NFIA: variants seen among roughly 807,000 people sequenced by gnomAD.
NFIA encodes nuclear factor I A.
A neutral mutation model predicts 62.8 loss-of-function variants in NFIA; 8 were observed. The ratio of observed to expected loss-of-function variants is 0.13; its 90% CI spans 0.07 to 0.23. NFIA has a LOEUF of 0.23. NFIA is among the 10% of genes least tolerant of loss of function. NFIA has a pLI of 1.00. For missense variants in NFIA, 410 were observed against 642.1 expected (o/e 0.64, Z 3.91); for synonymous variants, 235 against 238.1 (o/e 0.99, Z 0.12).
At chr1:61,453,272 T>A (rs987505050) in intron 10 of NFIA, among the ~76,000 whole-genome samples, 7 of 152,074 alleles carry the variant, frequency 4.6e-5, no homozygotes, top group Middle Eastern at 3.4e-3. Context: ...CTGGTTGCTC[T>A]TAGCAACCAG....
At chr1:61,325,307 G>A (rs750669943) in intron 3 of NFIA, among the ~76,000 whole-genome samples, 1 of 152,122 alleles carries the variant, frequency 6.6e-6, no homozygotes, top group Non-Finnish European at 1.5e-5. Context: ...AATCAGATTA[G>A]TGTCATTTCC....
At chr1:61,104,470 T>TA (rs1035660096) in intron 2 of NFIA, among the ~76,000 whole-genome samples, 177 of 152,222 alleles carry the variant, frequency 1.2e-3, no homozygotes, top group African/African-American at 4.0e-3. Flanking sequence ...CCAATTTCAT[T>TA]AGACGGAAAT....
At chr1:61,232,651 C>CA (rs1431257172) in intron 2 of NFIA, among the ~76,000 whole-genome samples, 15 of 152,096 alleles carry the variant, frequency 9.9e-5, no homozygotes, top group Non-Finnish European at 2.1e-4. Flanking sequence ...TTAATTGTGG[C>CA]AAAAATTAAT....
At position 61,455,376 on chromosome 1, in the gene NFIA, G is replaced by A. The variant is rs780413022; in HGVS notation, c.*56G>A. On this transcript the variant is annotated 3_prime_UTR_variant, in exon 11 of 11. Transcript: ENST00000403491. ...GACCACCTGACCCCTTCTCAACTCT[G>A]TAACATGGACGCAACCTCAACCCAG... 1 of 1,613,988 alleles carries A rather than the reference G, an allele frequency of 6.2e-7. No individual in the cohort carries two copies. Among genetic ancestry groups the A allele is most frequent in the Middle Eastern group, 1.6e-4 (1 of 6,062 alleles).
At chr1:61,386,193 G>A (rs948844178) in intron 7 of NFIA, among the ~76,000 whole-genome samples, 4 of 152,176 alleles carry the variant, frequency 2.6e-5, no homozygotes, top group East Asian at 1.9e-4. Context: ...GGAGTAAGAC[G>A]TGGTGTTTTA....
intron 2 of NFIA, among the ~76,000 whole-genome samples, chr1:61,188,328 A>G (rs1214385080): frequency 1.3e-5 from 2 of 152,132 alleles, no homozygotes; most frequent in Non-Finnish European, 2.9e-5. Flanking sequence ...AAGCACACAG[A>G]GTTACAACAT....
intron 4 of NFIA, among the ~76,000 whole-genome samples, chr1:61,347,552 T>C (rs1338062918): frequency 1.3e-5 from 2 of 152,182 alleles, no homozygotes; most frequent in African/African-American, 4.8e-5. Flanking sequence ...TGTGCCTCTT[T>C]AAATCTGAAC....
At chr1:61,385,788 A>G (rs7550707) in intron 7 of NFIA, 1 of 152,192 alleles carries the variant, frequency 6.6e-6, no homozygotes, top group African/African-American at 2.4e-5. Flanking sequence ...ATTCATATTC[A>G]TTCATAAAAC....
intron 9 of NFIA, among the ~76,000 whole-genome samples, chr1:61,409,007 T>C (rs551857689): frequency 6.6e-5 from 10 of 152,208 alleles, no homozygotes; most frequent in African/African-American, 1.2e-4. Flanking sequence ...ACTCCGTGGA[T>C]TGAACCAAGT....
chr1:61,105,701 T>C (rs1646583697), intron 2 of NFIA, among the ~76,000 whole-genome samples: 1 of 151,968 alleles, frequency 6.6e-6, no homozygotes, highest in South Asian at 2.1e-4. Context: ...TACTTAATTT[T>C]CTGATTATGT....
Position 61,082,621 on chromosome 1 carries a change from G to C in NFIA, c.-171G>C, listed in dbSNP as rs975185376. 3 of 1,504,794 alleles carry C rather than the reference G, an allele frequency of 2.0e-6. No homozygotes were observed. Among genetic ancestry groups the C allele is most frequent in the African/African-American group, 2.8e-5 (2 of 71,858 alleles). 93.2% of individuals were successfully genotyped at this position (1,504,794 alleles called of 1,614,324 possible). ...CTGGCTGGCTGGCTGCAGTTGAGCC[G>C]ACTTGGAAATGTGAACGCAAGAAGC... On this transcript the variant is annotated 5_prime_UTR_variant, in exon 1 of 11. Transcript: ENST00000403491.
intron 6 of NFIA, among the ~76,000 whole-genome samples, chr1:61,372,271 CTTAA>C (rs1238186887): frequency 1.3e-5 from 2 of 152,114 alleles, no homozygotes; most frequent in Non-Finnish European, 2.9e-5. Flanking sequence ...AACTCATTTA[CTTAA>C]TTGATATGCC....
At position 61,459,752 on chromosome 1, in the gene NFIA, G is replaced by A. The variant is rs980757223; in HGVS notation, c.*4432G>A. 6.6e-6 allele frequency: 1 copy of A among 152,154 alleles called. No individual in the cohort carries two copies. Among genetic ancestry groups the A allele is most frequent in the East Asian group, 1.9e-4 (1 of 5,194 alleles). 9.4% of individuals were successfully genotyped at this position (152,154 alleles called of 1,614,324 possible). On this transcript the variant is annotated 3_prime_UTR_variant, in exon 11 of 11. Coordinates refer to ENST00000403491, the MANE Select transcript of NFIA (RefSeq NM_001134673.4). The stretch of plus-strand genomic sequence containing the variant: ...CTTAGCCCCATAAGCTTTGAATCCT[G>A]TAGTTACAGTGGCATAAAGGACTGA...
intron 9 of NFIA, among the ~76,000 whole-genome samples, 162 bp downstream of exon 9, chr1:61,406,889 C>A (rs1402008509): frequency 6.6e-6 from 1 of 152,140 alleles, no homozygotes; most frequent in African/African-American, 2.4e-5. Context: ...GTGAACATGA[C>A]TCTTGGGTAC....
chr1:61,393,246 T>TCC (rs1255836483), intron 7 of NFIA, among the ~76,000 whole-genome samples: 8 of 18,454 alleles, frequency 4.3e-4, no homozygotes, highest in Admixed American at 3.3e-3. Flanking sequence ...GCCCTCTCCC[T>TCC]CTCTCTCTCT....
intron 2 of NFIA, among the ~76,000 whole-genome samples, chr1:61,182,183 C>A (rs1650804819): frequency 6.6e-6 from 1 of 152,116 alleles, no homozygotes; most frequent in South Asian, 2.1e-4. Context: ...ATGAGCTAAC[C>A]ATCTTGACCT....
At chr1:61,272,571 G>A (rs541360053) in intron 2 of NFIA, among the ~76,000 whole-genome samples, 1 of 152,100 alleles carries the variant, frequency 6.6e-6, no homozygotes, top group Non-Finnish European at 1.5e-5. Flanking sequence ...GTAGAAAAAT[G>A]AATTCCTTGG....
At chr1:61,416,024 T>G (rs896693632) in intron 9 of NFIA, among the ~76,000 whole-genome samples, 1 of 152,122 alleles carries the variant, frequency 6.6e-6, no homozygotes, top group African/African-American at 2.4e-5. Flanking sequence ...TTGAGTTATA[T>G]TGTTACATTA....
At chr1:61,162,720 G>A (rs564491621) in intron 2 of NFIA, among the ~76,000 whole-genome samples, 2 of 152,114 alleles carry the variant, frequency 1.3e-5, no homozygotes, top group Non-Finnish European at 1.5e-5. Context: ...AGCAAGGGCA[G>A]TTAGGCCCGT....
Sources: gnomAD v4.1 joint callset for allele counts (sites outside exome capture counted in the v4.1 genomes callset) on GRCh38, gnomAD v4.1.1 for gene constraint, MANE v1.5 for transcripts, NCBI Gene and HGNC (gene_info 2026-07-23, HGNC 2026-07-21) for gene names.